The following KCNIP4 variants were observed in gnomAD, a reference collection of about 807,000 sequenced individuals.
The protein encoded by KCNIP4 is Kv channel-interacting protein 4.
A neutral mutation model predicts 34.0 loss-of-function variants in KCNIP4; 12 were observed. The observed-to-expected ratio is 0.35, with a 90% CI of 0.23 to 0.57. The LOEUF (loss-of-function observed/expected upper bound fraction) is 0.57. Among genes scored for constraint, KCNIP4 ranks in the 20% least tolerant of loss-of-function variants. The pLI is 0.83. For synonymous variants in KCNIP4, 124 were observed against 102.2 expected, an observed-to-expected ratio of 1.21 and a Z score of -1.29; for missense variants, 238 against 311.7, an observed-to-expected ratio of 0.76 and a Z score of 1.78.
At chr4:21,357,845 T>A (rs1274136267) in intron 1 of KCNIP4, among the ~76,000 whole-genome samples, 1 of 152,208 alleles carries the variant, frequency 6.6e-6, no homozygotes, top group Non-Finnish European at 1.5e-5. Context: ...TTATAAATTA[T>A]GCTACTATGA....
At chr4:21,660,303 G>A (rs1198160426) in intron 1 of KCNIP4, among the ~76,000 whole-genome samples, 2 of 152,066 alleles carry the variant, frequency 1.3e-5, no homozygotes, top group Admixed American at 1.3e-4. Flanking sequence ...TTTCCCAATG[G>A]CTTGCAGATA....
chr4:21,702,181 C>T (rs1368022596), intron 1 of KCNIP4, among the ~76,000 whole-genome samples: 3 of 152,022 alleles, frequency 2.0e-5, no homozygotes, highest in East Asian at 1.9e-4. Flanking sequence ...GATCGAGGTG[C>T]CAGAATATTC....
chr4:21,766,033 C>A (rs1041390570), intron 1 of KCNIP4, among the ~76,000 whole-genome samples: 4 of 152,036 alleles, frequency 2.6e-5, no homozygotes, highest in Non-Finnish European at 5.9e-5. Flanking sequence ...TTGTAGATTT[C>A]TCTTCCCTTG....
At chr4:21,882,697 G>A (rs896377118) in intron 1 of KCNIP4, among the ~76,000 whole-genome samples, 1 of 152,116 alleles carries the variant, frequency 6.6e-6, no homozygotes, top group African/African-American at 2.4e-5. Context: ...GACCCCTGTA[G>A]GGAAAGGGCA....
At chr4:21,484,196 G>GT (rs34527210) in intron 1 of KCNIP4, among the ~76,000 whole-genome samples, 24,375 of 152,114 alleles carry the variant, frequency 0.16, 2,119 homozygotes, top group Admixed American at 0.22. Flanking sequence ...GGAGGCTGAG[G>GT]TGGGCAGATC....
chr4:21,117,303 G>A (rs1301679775), intron 1 of KCNIP4, among the ~76,000 whole-genome samples: 1 of 24,946 alleles, frequency 4.0e-5, no homozygotes, highest in Non-Finnish European at 7.1e-5. Context: ...GGGTTGCCGG[G>A]GGGGGGGGGG....
At chr4:21,627,804 G>A (rs1322188740) in intron 1 of KCNIP4, among the ~76,000 whole-genome samples, 3 of 152,100 alleles carry the variant, frequency 2.0e-5, no homozygotes, top group Non-Finnish European at 4.4e-5. Flanking sequence ...GATTGTCACT[G>A]AGTCTAATAA....
At chr4:20,957,296 A>G (rs1353272659) in intron 1 of KCNIP4, among the ~76,000 whole-genome samples, 5 of 152,148 alleles carry the variant, frequency 3.3e-5, no homozygotes, top group African/African-American at 1.2e-4. Context: ...ATTTATAATC[A>G]TATTAATATA....
In KCNIP4 at chr4:21,948,462, G is replaced by A; in HGVS notation, c.61+109C>T. On this transcript the variant is annotated intron_variant, in intron 1 of 8. Coordinates refer to ENST00000382152, the MANE Select transcript of KCNIP4 (RefSeq NM_025221.6). ...CCGCCAGGTGACTGTGTCTCATGCAGCGAAGGCAACAAGCGTCCCCAGCCG... is the reference window on the plus strand; with the variant it reads ...CCGCCAGGTGACTGTGTCTCATGCAACGAAGGCAACAAGCGTCCCCAGCCG... The A allele has an allele frequency of 7.3e-6, 9 of 1,229,938 alleles. No homozygotes were observed. The South Asian group carries it at 1.4e-4, about 19-fold the overall frequency. 76.2% of individuals were successfully genotyped at this position (1,229,938 alleles called of 1,614,324 possible).
chr4:20,983,925 T>A, intron 1 of KCNIP4: 1 of 1,535,970 alleles, frequency 6.5e-7, no homozygotes, highest in African/African-American at 1.4e-5. Flanking sequence ...AGAGTCAACA[T>A]CCTCTGAGCT....
intron 1 of KCNIP4, among the ~76,000 whole-genome samples, chr4:21,808,212 C>A (rs1018238412): frequency 2.6e-5 from 4 of 152,112 alleles, no homozygotes; most frequent in Non-Finnish European, 5.9e-5. Context: ...CTCCCTTCTT[C>A]CTTAGATCAT....
chr4:21,903,067 G>T (rs1011027153), intron 1 of KCNIP4, among the ~76,000 whole-genome samples: 1 of 152,096 alleles, frequency 6.6e-6, no homozygotes, highest in African/African-American at 2.4e-5. Flanking sequence ...GTGATCACTG[G>T]TCATTTACAT....
intron 1 of KCNIP4, among the ~76,000 whole-genome samples, chr4:21,352,242 C>T (rs1445997327): frequency 6.6e-6 from 1 of 152,208 alleles, no homozygotes; most frequent in Non-Finnish European, 1.5e-5. Flanking sequence ...GCATTTCCAA[C>T]TAAGGTACCT....
chr4:20,954,254 T>C (rs1733074013), intron 1 of KCNIP4, among the ~76,000 whole-genome samples: 1 of 152,154 alleles, frequency 6.6e-6, no homozygotes, highest in Admixed American at 6.5e-5. Flanking sequence ...CTTCTTAGTA[T>C]TCTGTACGAA....
rs148298106 is a variant in KCNIP4, at chr4:20,824,665, C to T, written c.288+25878G>A. 4.7e-3 allele frequency among the ~76,000 whole-genome samples: 722 copies of T among 152,076 alleles called. 7 individuals are homozygous for T. The highest frequency in any genetic ancestry group is 0.016 in the African/African-American group (677 of 41,480). ...TCTGCACTCCAGACTAGCAACAGAGCGAGACTCCATCTCAAAAAAAATGTG... is the reference window on the plus strand; with the variant it reads ...TCTGCACTCCAGACTAGCAACAGAGTGAGACTCCATCTCAAAAAAAATGTG... On this transcript the variant is annotated intron_variant, in intron 3 of 8. Coordinates refer to ENST00000382152, the MANE Select transcript of KCNIP4 (RefSeq NM_025221.6).
At chr4:20,992,204 C>T (rs1345519727) in intron 1 of KCNIP4, among the ~76,000 whole-genome samples, 2 of 152,264 alleles carry the variant, frequency 1.3e-5, no homozygotes, top group Non-Finnish European at 2.9e-5. Context: ...TGGGGAAATT[C>T]CCATGGCCTC....
chr4:21,936,880 C>T (rs114410602), intron 1 of KCNIP4, among the ~76,000 whole-genome samples: 2,046 of 152,116 alleles, frequency 0.013, 39 homozygotes, highest in African/African-American at 0.046. Context: ...GGTCACTTAC[C>T]TCTACAATTT....
intron 1 of KCNIP4, among the ~76,000 whole-genome samples, chr4:21,087,750 C>T (rs1350279532): frequency 6.6e-6 from 1 of 152,166 alleles, no homozygotes; most frequent in East Asian, 1.9e-4. Flanking sequence ...TGTTATCATA[C>T]ATATCTGTCA....
At chr4:20,900,847 A>T (rs73242555) in intron 1 of KCNIP4, among the ~76,000 whole-genome samples, 1 of 152,138 alleles carries the variant, frequency 6.6e-6, no homozygotes, top group African/African-American at 2.4e-5. Context: ...TTGAGAAAAG[A>T]TATCTGGAGA....
Sources: gnomAD v4.1 joint callset for allele counts (sites outside exome capture counted in the v4.1 genomes callset) on GRCh38, gnomAD v4.1.1 for gene constraint, MANE v1.5 for transcripts, NCBI Gene and HGNC (gene_info 2026-07-23, HGNC 2026-07-21) for gene names.